Variants in RNF152 observed in about 807,000 individuals in gnomAD.
RNF152 encodes E3 ubiquitin-protein ligase RNF152.
RNF152 carries 11 observed loss-of-function variants against 12.7 expected under a neutral mutation model. That is an observed-to-expected ratio of 0.86 (90% CI 0.54 to 1.43). RNF152 has a LOEUF of 1.43. RNF152 is among the 40% of genes most tolerant of loss of function. The pLI, the probability that RNF152 is intolerant of heterozygous loss-of-function variation, is 0.00. For missense variants in RNF152, 255 were observed against 274.8 expected (o/e 0.93, Z 0.51); for synonymous variants, 113 against 120.3 (o/e 0.94, Z 0.40).
intron 1 of RNF152, among the ~76,000 whole-genome samples, chr18:61,876,835 T>A (rs1257679621): frequency 6.6e-6 from 1 of 152,168 alleles, no homozygotes; most frequent in African/African-American, 2.4e-5. Flanking sequence ...TAAGTGTCAG[T>A]CTTATGCTCA....
Position 61,844,082 on chromosome 18 carries a change from G to GAAAGAAAGAAAGAAAGAAAGAAAGAA in RNF152, c.-135-27510_-135-27485dup, listed in dbSNP as rs1568275123. ...GAGAGAAAGACAGAAAGAAAGGAAA[G>GAAAGAAAGAAAGAAAGAAAGAAAGAA]AAAGAAAGAAAGAAAGAAAGAAAGA... On this transcript the variant is annotated intron_variant, in intron 1 of 1. Transcript: ENST00000312828. Among the ~76,000 whole-genome samples, 33 of 34,016 alleles carry GAAAGAAAGAAAGAAAGAAAGAAAGAA rather than the reference G, an allele frequency of 9.7e-4. 1 individual carries two copies. Among genetic ancestry groups the GAAAGAAAGAAAGAAAGAAAGAAAGAA allele is most frequent in the Non-Finnish European group, 1.5e-3 (22 of 15,160 alleles). 22.3% of individuals were successfully genotyped at this position (34,016 alleles called of 152,430 possible).
intron 1 of RNF152, among the ~76,000 whole-genome samples, chr18:61,857,135 A>G (rs1911260943): frequency 6.6e-6 from 1 of 152,214 alleles, no homozygotes; most frequent in Admixed American, 6.5e-5. Context: ...TTGTGCTGAT[A>G]ATTCCTACCC....
At chr18:61,860,621 T>C (rs186459934) in intron 1 of RNF152, among the ~76,000 whole-genome samples, 130 of 152,380 alleles carry the variant, frequency 8.5e-4, no homozygotes, top group African/African-American at 2.9e-3. Flanking sequence ...AACAACTATG[T>C]TACTGGTTTC....
At position 61,850,218 on chromosome 18, in the gene RNF152, T is replaced by C. The variant is rs1910909431; in HGVS notation, c.-135-33620A>G. ...AACCTTGTTATTCTTCAATGCCCCT[T>C]GTCAGTAAAGTGTGAACACTAAGAA... On this transcript the variant is annotated intron_variant, in intron 1 of 1. Coordinates refer to ENST00000312828, the MANE Select transcript of RNF152 (RefSeq NM_173557.3). Among the ~76,000 whole-genome samples the C allele has an allele frequency of 5.3e-5, 8 of 152,348 alleles. No homozygotes were observed. The South Asian group carries it at 1.4e-3, about 28-fold the overall frequency.
chr18:61,843,646 G>A (rs550802203), intron 1 of RNF152, among the ~76,000 whole-genome samples: 55 of 152,120 alleles, frequency 3.6e-4, no homozygotes, highest in Admixed American at 6.5e-4. Context: ...ATTCTGACAC[G>A]TTACGACATG....
chr18:61,891,040 A>G (rs1912934878), intron 1 of RNF152, among the ~76,000 whole-genome samples: 1 of 152,106 alleles, frequency 6.6e-6, no homozygotes, highest in Non-Finnish European at 1.5e-5. Context: ...AGGGAGTTCA[A>G]TTTTGTGTCT....
intron 1 of RNF152, among the ~76,000 whole-genome samples, chr18:61,824,679 C>G (rs1045383190): frequency 1.3e-5 from 2 of 152,180 alleles, no homozygotes; most frequent in Non-Finnish European, 2.9e-5. Context: ...AAAGATATTC[C>G]TATTACCCAA....
chr18:61,816,654 C>G (rs1270989322), intron 1 of RNF152, 56 bp from the exon 2 acceptor site: 13 of 616,470 alleles, frequency 2.1e-5, no homozygotes, highest in Non-Finnish European at 3.7e-5. Context: ...GTTGAGATGT[C>G]AACATATCTA....
chr18:61,887,651 G>T (rs145860599), intron 1 of RNF152, among the ~76,000 whole-genome samples: 4,734 of 144,340 alleles, frequency 0.033, 260 homozygotes, highest in African/African-American at 0.12. Context: ...AGTGAGCTGA[G>T]ATCATGCCCC....
chr18:61,821,990 C>T (rs1445465065), intron 1 of RNF152, among the ~76,000 whole-genome samples: 1 of 152,122 alleles, frequency 6.6e-6, no homozygotes, highest in Admixed American at 6.5e-5. Flanking sequence ...CTTCAGAGAC[C>T]TGTTTGGCCT....
At chr18:61,863,645 C>A (rs1001598770) in intron 1 of RNF152, among the ~76,000 whole-genome samples, 3 of 152,184 alleles carry the variant, frequency 2.0e-5, no homozygotes, top group Non-Finnish European at 4.4e-5. Flanking sequence ...AATCTTCAAG[C>A]AATCCTGTGT....
chr18:61,860,790 G>T (rs1051321655), intron 1 of RNF152, among the ~76,000 whole-genome samples: 2 of 152,204 alleles, frequency 1.3e-5, no homozygotes, highest in African/African-American at 4.8e-5. Context: ...GTATTACCCT[G>T]AAGACCTTCC....
chr18:61,892,453 T>C (rs2144781225), intron 1 of RNF152, among the ~76,000 whole-genome samples: 1 of 152,252 alleles, frequency 6.6e-6, no homozygotes. Context: ...GACTGAAGCC[T>C]AAATCTATTA....
chr18:61,820,725 C>G (rs970033546), intron 1 of RNF152, among the ~76,000 whole-genome samples: 3 of 152,064 alleles, frequency 2.0e-5, no homozygotes, highest in African/African-American at 7.2e-5. Context: ...CAGTGACCAC[C>G]GATTTATGTA....
chr18:61,869,900 A>C (rs1001335663), intron 1 of RNF152, among the ~76,000 whole-genome samples: 7 of 152,138 alleles, frequency 4.6e-5, no homozygotes, highest in African/African-American at 1.7e-4. Context: ...TTATAAGCAG[A>C]TGTACTTTGG....
rs1232368091 is a variant in RNF152, at chr18:61,813,300, AC to A, written c.*2551del. The A allele has an allele frequency of 1.8e-4, 28 of 151,814 alleles. No individual in the cohort carries two copies. Among genetic ancestry groups the A allele is most frequent in the Non-Finnish European group, 3.2e-4 (22 of 68,020 alleles). 9.4% of individuals were successfully genotyped at this position (151,814 alleles called of 1,614,324 possible). A position where few individuals can be genotyped will look rare whatever the true frequency, so the allele number is the denominator to read the frequency against. ...CTCTCACACACACACACACACACAC[AC>A]ACACACACACACACATACACAAGAA... On this transcript the variant is annotated 3_prime_UTR_variant, in exon 2 of 2. Coordinates refer to ENST00000312828, the MANE Select transcript of RNF152 (RefSeq NM_173557.3).
At chr18:61,852,845 TA>T (rs1599297072) in intron 1 of RNF152, among the ~76,000 whole-genome samples, 1 of 152,300 alleles carries the variant, frequency 6.6e-6, no homozygotes, top group East Asian at 1.9e-4. Flanking sequence ...TCACAGGTAC[TA>T]ATGGCCACGA....
intron 1 of RNF152, among the ~76,000 whole-genome samples, chr18:61,822,353 C>T (rs1259948308): frequency 3.9e-5 from 6 of 152,074 alleles, no homozygotes; most frequent in Admixed American, 1.3e-4. Context: ...GTTGTTGTTG[C>T]TGTTGTTATT....
intron 1 of RNF152, among the ~76,000 whole-genome samples, chr18:61,861,122 A>C (rs1379484049): frequency 6.6e-6 from 1 of 152,226 alleles, no homozygotes; most frequent in Non-Finnish European, 1.5e-5. Flanking sequence ...TTTGTTATAA[A>C]TTGAGTGTAG....
Sources: allele counts gnomAD v4.1 joint callset (sites outside exome capture counted in the v4.1 genomes callset), GRCh38; gene constraint gnomAD v4.1.1; transcripts MANE v1.5; gene names NCBI Gene and HGNC (gene_info 2026-07-23, HGNC 2026-07-21).